GRM1: variants seen among roughly 807,000 people sequenced by gnomAD.
GRM1 encodes the protein metabotropic glutamate receptor 1.
GRM1 carries 33 observed loss-of-function variants against 90.9 expected under a neutral mutation model. The ratio of observed to expected loss-of-function variants is 0.36; its 90% CI spans 0.28 to 0.49. The LOEUF (loss-of-function observed/expected upper bound fraction) is 0.49, where lower values mean the gene tolerates loss of function less well. GRM1 is among the 20% of genes least tolerant of loss of function. GRM1 has a pLI of 0.99. For synonymous variants in GRM1, 700 were observed against 613.2 expected, an observed-to-expected ratio of 1.14 and a Z score of -2.09; for missense variants, 1,190 against 1,534.3, an observed-to-expected ratio of 0.78 and a Z score of 3.75.
At chr6:146,173,418 A>G (rs900718298) in intron 2 of GRM1, among the ~76,000 whole-genome samples, 29 of 151,204 alleles carry the variant, frequency 1.9e-4, no homozygotes, top group African/African-American at 5.6e-4. Context: ...AAGAAAAAAA[A>G]AAAGAAAAAG....
intron 5 of GRM1, 123 bp from the exon 6 acceptor site, chr6:146,386,767 A>G (rs1255897050): frequency 1.4e-5 from 10 of 729,176 alleles, no homozygotes; most frequent in Non-Finnish European, 1.9e-5. Context: ...TCCTCAGCAT[A>G]TAAGATTATT....
At chr6:146,135,251 A>T (rs1776576048) in intron 1 of GRM1, among the ~76,000 whole-genome samples, 1 of 152,170 alleles carries the variant, frequency 6.6e-6, no homozygotes, top group African/African-American at 2.4e-5. Flanking sequence ...AACAGTAGGG[A>T]GTTAGAATTT....
chr6:146,098,476 C>T (rs1393517661), intron 1 of GRM1, among the ~76,000 whole-genome samples: 2 of 151,748 alleles, frequency 1.3e-5, no homozygotes, highest in Admixed American at 6.6e-5. Context: ...TAGGTATGGT[C>T]TTTTAAAATA....
intron 2 of GRM1, among the ~76,000 whole-genome samples, chr6:146,206,583 T>C (rs141915701): frequency 0.012 from 1,788 of 152,108 alleles, 23 homozygotes; most frequent in Middle Eastern, 0.031. Context: ...TGATCTTAGA[T>C]ACAGACTTGG....
intron 1 of GRM1, among the ~76,000 whole-genome samples, chr6:146,107,254 A>G (rs1775343833): frequency 6.6e-6 from 1 of 152,250 alleles, no homozygotes; most frequent in Admixed American, 6.5e-5. Context: ...AAGACAAAGT[A>G]AAGAAATATA....
intron 1 of GRM1, among the ~76,000 whole-genome samples, chr6:146,084,169 T>G (rs1294239535): frequency 1.3e-5 from 2 of 152,116 alleles, no homozygotes; most frequent in East Asian, 1.9e-4. Context: ...TTTTGTCAAT[T>G]TTTTTTCAAA....
chr6:146,388,715 C>T (rs1193444772), intron 6 of GRM1, among the ~76,000 whole-genome samples: 1 of 152,094 alleles, frequency 6.6e-6, no homozygotes, highest in East Asian at 1.9e-4. Flanking sequence ...AGAGATTCCG[C>T]TTTGCTCCCG....
At chr6:146,230,006 A>G (rs1201861734) in intron 2 of GRM1, among the ~76,000 whole-genome samples, 1 of 152,164 alleles carries the variant, frequency 6.6e-6, no homozygotes, top group African/African-American at 2.4e-5. Flanking sequence ...ACAAGGCAAC[A>G]TGTCAGTTGC....
Position 146,133,356 on chromosome 6 carries a change from G to A in GRM1, c.701-25992G>A, listed in dbSNP as rs182509381. 5.4e-3 allele frequency among the ~76,000 whole-genome samples: 824 copies of A among 152,172 alleles called. 6 individuals carry two copies. The highest frequency in any genetic ancestry group is 0.019 in the African/African-American group (792 of 41,508). On this transcript the variant is annotated intron_variant, in intron 1 of 7. Transcript: ENST00000282753. ...ACTAATGATGACTTAATAGCAAAAA[G>A]GAAAATTAGACACTAACACATTCTC...
rs976924791 is a variant in GRM1, at chr6:146,435,274, G to A, written c.*478G>A. On this transcript the variant is annotated 3_prime_UTR_variant, in exon 8 of 8. Coordinates refer to ENST00000282753, the MANE Select transcript of GRM1 (RefSeq NM_001278064.2). ...TGGTGGAGCCAGACAGAGCAGGTGC[G>A]GGGAAGGGAAGGGCCCAGGCCAGAC... 6.9e-6 allele frequency: 2 copies of A among 289,058 alleles called. No individual in the cohort carries two copies. Among genetic ancestry groups the A allele is most frequent in the Non-Finnish European group, 1.3e-5 (2 of 150,414 alleles). 17.9% of individuals were successfully genotyped at this position (289,058 alleles called of 1,614,324 possible).
At chr6:146,293,628 T>C (rs1339412164) in intron 2 of GRM1, among the ~76,000 whole-genome samples, 1 of 151,968 alleles carries the variant, frequency 6.6e-6, no homozygotes, top group Non-Finnish European at 1.5e-5. Flanking sequence ...AGTTATAATA[T>C]CCTCAGTTGG....
At chr6:146,404,422 G>A (rs1025119947) in intron 7 of GRM1, among the ~76,000 whole-genome samples, 15 of 152,112 alleles carry the variant, frequency 9.9e-5, no homozygotes, top group African/African-American at 3.4e-4. Context: ...ACTGTGCTAT[G>A]TGCCATAGTA....
intron 2 of GRM1, chr6:146,171,574 C>T: frequency 4.1e-6 from 1 of 245,372 alleles, no homozygotes; most frequent in Non-Finnish European, 8.9e-6. Context: ...GCATGGAGTT[C>T]ATATTCCAAA....
chr6:146,434,667 C>G lies in GRM1; in HGVS notation c.3456C>G (p.Arg1152=). ...SPALTPPSPF[R]DSVASGSSVP... ...CGCTGACGCCTCCGTCGCCTTTCCG[C>G]GACTCGGTGGCCTCGGGCAGCTCGG... The change falls in exon 8 of 8, where the codon CGC becomes CGG. Residue 1152 remains arginine (R), a synonymous_variant. Coordinates refer to ENST00000282753, the MANE Select transcript of GRM1 (RefSeq NM_001278064.2). The G allele has an allele frequency of 1.2e-6, 2 of 1,608,088 alleles. No individual in the cohort carries two copies. The highest frequency in any genetic ancestry group is 1.3e-5 in the African/African-American group (1 of 75,072).
At chr6:146,069,085 CA>C (rs1168070657) in intron 1 of GRM1, among the ~76,000 whole-genome samples, 1 of 152,156 alleles carries the variant, frequency 6.6e-6, no homozygotes, top group Non-Finnish European at 1.5e-5. Context: ...CCCCAAACAT[CA>C]AATCACATTT....
intron 1 of GRM1, among the ~76,000 whole-genome samples, chr6:146,070,765 A>T (rs1391938249): frequency 6.6e-6 from 1 of 152,172 alleles, no homozygotes; most frequent in Non-Finnish European, 1.5e-5. Context: ...TGGCAGCAGA[A>T]TCATGACCTT....
chr6:146,041,773 GT>G (rs1373297643), intron 1 of GRM1, among the ~76,000 whole-genome samples: 7 of 152,144 alleles, frequency 4.6e-5, no homozygotes, highest in Middle Eastern at 3.4e-3. Context: ...ACACTAGATA[GT>G]TGTTTTTGGT....
chr6:146,262,270 T>C (rs1248183611), intron 2 of GRM1, among the ~76,000 whole-genome samples: 5 of 152,040 alleles, frequency 3.3e-5, no homozygotes, highest in Non-Finnish European at 7.4e-5. Context: ...AAATCTTATG[T>C]AGAAAAAATT....
At chr6:146,336,793 T>C (rs554130977) in intron 3 of GRM1, among the ~76,000 whole-genome samples, 41 of 152,240 alleles carry the variant, frequency 2.7e-4, no homozygotes, top group Admixed American at 7.8e-4. Flanking sequence ...TACCCGACTC[T>C]GTATATTTTT....
Sources: allele counts gnomAD v4.1 joint callset (sites outside exome capture counted in the v4.1 genomes callset), GRCh38; gene constraint gnomAD v4.1.1; transcripts MANE v1.5; gene names NCBI Gene and HGNC (gene_info 2026-07-23, HGNC 2026-07-21).